Variants in SLC2A13 observed in about 807,000 individuals in gnomAD.
SLC2A13 encodes the protein solute carrier family 2 member 13.
SLC2A13 carries 32 observed loss-of-function variants against 64.4 expected under a neutral mutation model. That is an observed-to-expected ratio of 0.50 (90% CI 0.37 to 0.67). SLC2A13 has a LOEUF of 0.67. Among genes scored for constraint, SLC2A13 ranks in the 30% least tolerant of loss-of-function variants. The pLI, the probability that SLC2A13 is intolerant of heterozygous loss-of-function variation, is 0.00. For missense variants in SLC2A13, 743 were observed against 829.2 expected, an observed-to-expected ratio of 0.90 and a Z score of 1.28; for synonymous variants, 338 against 327.1, an observed-to-expected ratio of 1.03 and a Z score of -0.36.
At chr12:40,007,171 G>A (rs1448276770) in intron 3 of SLC2A13, among the ~76,000 whole-genome samples, 2 of 152,100 alleles carry the variant, frequency 1.3e-5, no homozygotes, top group Non-Finnish European at 2.9e-5. Flanking sequence ...AATGTGAAGT[G>A]GGCACATAGA....
chr12:39,832,128 A>T (rs892722499), intron 6 of SLC2A13, among the ~76,000 whole-genome samples: 1 of 152,178 alleles, frequency 6.6e-6, no homozygotes, highest in East Asian at 1.9e-4. Context: ...TGATTCAGCA[A>T]TGTAAATATA....
At chr12:40,042,845 A>G (rs1215727350) in intron 2 of SLC2A13, among the ~76,000 whole-genome samples, 1 of 152,112 alleles carries the variant, frequency 6.6e-6, no homozygotes, top group Non-Finnish European at 1.5e-5. Flanking sequence ...ATGAAAAGAC[A>G]AAGGAACAGA....
intron 1 of SLC2A13, among the ~76,000 whole-genome samples, chr12:40,092,589 G>GTCTTATTT (rs547706063): frequency 1.1e-4 from 17 of 152,106 alleles, no homozygotes; most frequent in Non-Finnish European, 2.1e-4. Context: ...AATAAAATGT[G>GTCTTATTT]TCTTATTTTT....
intron 7 of SLC2A13, among the ~76,000 whole-genome samples, chr12:39,781,037 A>G (rs889587829): frequency 1.3e-5 from 2 of 152,238 alleles, no homozygotes; most frequent in Non-Finnish European, 2.9e-5. Flanking sequence ...ATCTCAAGTT[A>G]CTGCTAAAGT....
Position 40,105,163 on chromosome 12 carries a change from G to A in SLC2A13, c.556+90C>T. On this transcript the variant is annotated intron_variant, in intron 1 of 9. Transcript: ENST00000280871. This position sits in a 1 kb window ranked among gnomAD's most constrained non-coding sequence, Gnocchi z 4.2. ...TTCTCTGACCCTGGGAGACCAGACGGGGACCCCGATGGGCAAGAGGCACGC... is the reference window on the plus strand; with the variant it reads ...TTCTCTGACCCTGGGAGACCAGACGAGGACCCCGATGGGCAAGAGGCACGC... The A allele has an allele frequency of 7.0e-7, 1 of 1,422,412 alleles. No individual in the cohort carries two copies. The highest frequency in any genetic ancestry group is 9.1e-7 in the Non-Finnish European group (1 of 1,094,518). 88.1% of individuals were successfully genotyped at this position (1,422,412 alleles called of 1,614,324 possible).
intron 6 of SLC2A13, among the ~76,000 whole-genome samples, chr12:39,848,415 A>G (rs2135889028): frequency 6.6e-6 from 1 of 152,336 alleles, no homozygotes; most frequent in Non-Finnish European, 1.5e-5. Flanking sequence ...CAAGGAGCAT[A>G]TGAAAAAAAT....
intron 3 of SLC2A13, among the ~76,000 whole-genome samples, chr12:40,019,836 CACTT>C (rs1249431081): frequency 6.6e-6 from 1 of 152,096 alleles, no homozygotes; most frequent in Non-Finnish European, 1.5e-5. Context: ...AAACGTGAGA[CACTT>C]ACACAGCAAC....
chr12:39,878,749 T>C (rs1277402248), intron 4 of SLC2A13, among the ~76,000 whole-genome samples: 1 of 152,182 alleles, frequency 6.6e-6, no homozygotes. Flanking sequence ...AGAAAAAAGC[T>C]TTTTTGGGAG....
At position 39,826,981 on chromosome 12, in the gene SLC2A13, T is replaced by C. The variant is rs192305676; in HGVS notation, c.1445+3122A>G. Among the ~76,000 whole-genome samples the C allele has an allele frequency of 4.5e-3, 663 of 147,026 alleles. 3 individuals are homozygous for C. The highest frequency in any genetic ancestry group is 7.0e-3 in the Non-Finnish European group (466 of 67,000). On this transcript the variant is annotated intron_variant, in intron 7 of 9. Coordinates refer to ENST00000280871, the MANE Select transcript of SLC2A13 (RefSeq NM_052885.4). Reference sequence around the variant, plus strand: ...ATTAGGTTGGTGCAAAAGTTAACTGTGGTTTTACCATTACTTTTAATGGCA... The same window carrying C: ...ATTAGGTTGGTGCAAAAGTTAACTGCGGTTTTACCATTACTTTTAATGGCA...
At chr12:39,980,972 A>G (rs1946882048) in intron 3 of SLC2A13, among the ~76,000 whole-genome samples, 3 of 151,730 alleles carry the variant, frequency 2.0e-5, no homozygotes, top group South Asian at 2.1e-4. Context: ...ATAACAAACT[A>G]TCTCTCAGAC....
chr12:39,831,419 C>A (rs1245428679), intron 6 of SLC2A13, among the ~76,000 whole-genome samples: 1 of 152,066 alleles, frequency 6.6e-6, no homozygotes, highest in Non-Finnish European at 1.5e-5. Flanking sequence ...AGTCGTGATA[C>A]TATGGGTTGT....
At chr12:39,880,345 A>G (rs117421237) in intron 4 of SLC2A13, among the ~76,000 whole-genome samples, 1,545 of 152,346 alleles carry the variant, frequency 0.01, 7 homozygotes, top group South Asian at 0.035. Context: ...CTTAAGAACT[A>G]TTTTTAAAAA....
At chr12:40,073,218 TACACACAC>T (rs56277145) in intron 1 of SLC2A13, among the ~76,000 whole-genome samples, 53,441 of 151,716 alleles carry the variant, frequency 0.35, 9,552 homozygotes, top group Non-Finnish European at 0.38. Flanking sequence ...CATAAACATA[TACACACAC>T]ACATGCACAT....
chr12:39,829,424 T>TTTTTTTA (rs1942793404), intron 7 of SLC2A13: 1 of 127,956 alleles, frequency 7.8e-6, no homozygotes, highest in Non-Finnish European at 1.6e-5. Flanking sequence ...TTCTTTTTTT[T>TTTTTTTA]GAGGCAGAGT....
chr12:40,013,013 T>G (rs1947555673), intron 3 of SLC2A13, among the ~76,000 whole-genome samples: 1 of 152,156 alleles, frequency 6.6e-6, no homozygotes, highest in Non-Finnish European at 1.5e-5. Context: ...CTAAAGACAT[T>G]TATATGATCT....
chr12:39,934,542 C>T (rs534444467), intron 4 of SLC2A13, among the ~76,000 whole-genome samples: 17 of 152,312 alleles, frequency 1.1e-4, no homozygotes, highest in Admixed American at 1.1e-3. Flanking sequence ...CTAAAGAAGG[C>T]ATGCCTGAGG....
At chr12:39,764,238 T>C (rs1336481517) in intron 9 of SLC2A13, among the ~76,000 whole-genome samples, 6 of 152,042 alleles carry the variant, frequency 3.9e-5, no homozygotes, top group Non-Finnish European at 7.4e-5. Context: ...GTGACAGCCC[T>C]AAGCACTGTG....
chr12:39,785,889 C>T (rs1941167225), intron 7 of SLC2A13, among the ~76,000 whole-genome samples: 1 of 152,272 alleles, frequency 6.6e-6, no homozygotes. Flanking sequence ...GCCAATTTCT[C>T]CCATTTGGAA....
intron 1 of SLC2A13, among the ~76,000 whole-genome samples, chr12:40,103,965 A>C (rs1395965755): frequency 2.0e-5 from 3 of 152,220 alleles, no homozygotes; most frequent in Non-Finnish European, 4.4e-5. Flanking sequence ...GAAGGTCACT[A>C]CTGACAAACT....
Sources: allele counts gnomAD v4.1 joint callset (sites outside exome capture counted in the v4.1 genomes callset), GRCh38; gene constraint gnomAD v4.1.1; non-coding constraint Gnocchi (gnomAD v3.1); transcripts MANE v1.5; gene names NCBI Gene and HGNC (gene_info 2026-07-23, HGNC 2026-07-21).